The following PRELID3A variants were observed in gnomAD, a reference collection of about 807,000 sequenced individuals.
PRELID3A encodes the protein PRELI domain containing protein 3A.
In PRELID3A, 27 loss-of-function variants were observed where a neutral mutation model predicts 23.0. The ratio of observed to expected loss-of-function variants is 1.17; its 90% CI spans 0.87 to 1.62. The LOEUF (loss-of-function observed/expected upper bound fraction) is 1.62, where lower values mean the gene tolerates loss of function less well. PRELID3A is among the 40% of genes most tolerant of loss of function. The pLI is 0.00. For missense variants in PRELID3A, 231 were observed against 231.4 expected (o/e 1.00, Z 0.01); for synonymous variants, 87 against 86.4 (o/e 1.01, Z -0.04).
chr18:12,413,126 A>G (rs2143327778), intron 1 of PRELID3A, among the ~76,000 whole-genome samples: 1 of 152,330 alleles, frequency 6.6e-6, no homozygotes, highest in Middle Eastern at 3.4e-3. Context: ...TGTTATGACA[A>G]AAGAAACGGT....
At chr18:12,421,724 C>G in intron 3 of PRELID3A, 95 bp downstream of exon 3, 5 of 758,416 alleles carry the variant, frequency 6.6e-6, no homozygotes, top group East Asian at 2.6e-5. Flanking sequence ...CACCTTTGGT[C>G]TAGGTGTTGC....
chr18:12,426,380 C>T (rs1006427178), intron 3 of PRELID3A, among the ~76,000 whole-genome samples: 20 of 150,412 alleles, frequency 1.3e-4, no homozygotes, highest in Admixed American at 1.1e-3. Context: ...CGGTGAAACT[C>T]CGTCTCTACT....
intron 1 of PRELID3A, among the ~76,000 whole-genome samples, chr18:12,416,302 G>T (rs185766397): frequency 0.015 from 2,342 of 152,074 alleles, 35 homozygotes; most frequent in Non-Finnish European, 0.019. Flanking sequence ...CTGGGTTTTT[G>T]TTGTTGTTGT....
At chr18:12,415,679 A>G in intron 1 of PRELID3A, among the ~76,000 whole-genome samples, 1 of 152,188 alleles carries the variant, frequency 6.6e-6, no homozygotes, top group Non-Finnish European at 1.5e-5. Flanking sequence ...CAGCCAGTCC[A>G]GGGTCCTCTG....
chr18:12,416,526 A>G (rs899491232), intron 1 of PRELID3A, among the ~76,000 whole-genome samples: 1 of 152,158 alleles, frequency 6.6e-6, no homozygotes, highest in Non-Finnish European at 1.5e-5. Context: ...TATATTGCCC[A>G]GGCTGGGCTT....
At chr18:12,419,451 A>T (rs550606141) in intron 1 of PRELID3A, among the ~76,000 whole-genome samples, 1 of 149,442 alleles carries the variant, frequency 6.7e-6, no homozygotes, top group South Asian at 2.1e-4. Context: ...CAACATGGGG[A>T]AATCCCATCT....
rs1021217315 is a variant in PRELID3A, at chr18:12,408,016, G to C, written c.32+9G>C. The stretch of plus-strand genomic sequence containing the variant: ...TCGGAGCACGTGTTTGGGTGAGGCC[G>C]GGCTGAGGGCCGCGGTGGGGCCGTC... On this transcript the variant is annotated intron_variant, in intron 1 of 6. Coordinates refer to ENST00000440960, the MANE Select transcript of PRELID3A (RefSeq NM_001142405.2). The C allele has an allele frequency of 6.3e-6, 8 of 1,269,586 alleles. No individual in the cohort carries two copies. The highest frequency in any genetic ancestry group is 7.9e-6 in the Non-Finnish European group (8 of 1,007,854). The allele number at this position is 1,269,586 out of a possible 1,614,324, so 78.6% of individuals were successfully genotyped here.
intron 5 of PRELID3A, 150 bp downstream of exon 5, chr18:12,427,473 G>A (rs1293087310): frequency 6.3e-6 from 4 of 637,480 alleles, no homozygotes; most frequent in Non-Finnish European, 8.1e-6. Flanking sequence ...AACGCAGGTG[G>A]ACCGCTTGAG....
Position 12,426,563 on chromosome 18 carries a change from A to AAAAAAAAAAAAAAAAAAAAAAAAG in PRELID3A, c.292-475_292-474insAAAAAAAAAAAAAAAAAAAAGAAA, listed in dbSNP as rs67993774. Among the ~76,000 whole-genome samples the AAAAAAAAAAAAAAAAAAAAAAAAG allele has an allele frequency of 4.9e-4, 43 of 87,698 alleles. 6 individuals are homozygous for AAAAAAAAAAAAAAAAAAAAAAAAG. Among genetic ancestry groups the AAAAAAAAAAAAAAAAAAAAAAAAG allele is most frequent in the Non-Finnish European group, 5.8e-4 (28 of 48,624 alleles). 57.5% of individuals were successfully genotyped at this position (87,698 alleles called of 152,430 possible). A position where few individuals can be genotyped will look rare whatever the true frequency, so the allele number is the denominator to read the frequency against. ...AGTGAGACTCCATCTCAAAAAAAAA[A>AAAAAAAAAAAAAAAAAAAAAAAAG]AAAGTATAAATATGTACATAAGGAG... is the stretch of plus-strand genomic sequence containing the variant. On this transcript the variant is annotated intron_variant, in intron 3 of 6. Transcript: ENST00000440960.
rs2030636612 is a variant in PRELID3A, at chr18:12,432,175, AGC to A, written c.*1061_*1062del. 6.6e-6 allele frequency: 1 copy of A among 152,222 alleles called. No individual in the cohort carries two copies. The highest frequency in any genetic ancestry group is 6.5e-5 in the Admixed American group (1 of 15,276). The allele number at this position is 152,222 out of a possible 1,614,324, so 9.4% of individuals were successfully genotyped here. A position where few individuals can be genotyped will look rare whatever the true frequency, so the allele number is the denominator to read the frequency against. On this transcript the variant is annotated 3_prime_UTR_variant, in exon 7 of 7. Transcript: ENST00000440960. ...TCCAGAAGTTTTCTGTGCTTATGAAAGCGTATGTGTGGCCTTTCTCTTCCCTT... is the reference window on the plus strand; with the variant it reads ...TCCAGAAGTTTTCTGTGCTTATGAAAGTATGTGTGGCCTTTCTCTTCCCTT...
chr18:12,426,143 G>T (rs553624134), intron 3 of PRELID3A, among the ~76,000 whole-genome samples: 41 of 152,026 alleles, frequency 2.7e-4, no homozygotes, highest in African/African-American at 8.7e-4. Flanking sequence ...GGAGGCTGAG[G>T]CAGGGGAATC....
At chr18:12,428,196 G>A (rs769412242) in intron 5 of PRELID3A, among the ~76,000 whole-genome samples, 22 of 152,178 alleles carry the variant, frequency 1.4e-4, no homozygotes, top group Non-Finnish European at 2.4e-4. Flanking sequence ...GCCATCCATG[G>A]TACTCCCTTT....
intron 1 of PRELID3A, among the ~76,000 whole-genome samples, chr18:12,411,972 G>T (rs1453934090): frequency 6.7e-6 from 1 of 150,184 alleles, no homozygotes; most frequent in Admixed American, 6.6e-5. Context: ...GTGCAGGGGC[G>T]CAGTCTCGGC....
At chr18:12,409,811 CA>C (rs1909852397) in intron 1 of PRELID3A, among the ~76,000 whole-genome samples, 1 of 152,090 alleles carries the variant, frequency 6.6e-6, no homozygotes, top group Non-Finnish European at 1.5e-5. Flanking sequence ...AAAATTGTTG[CA>C]GCTGCTAACT....
rs2030634727 is a variant in PRELID3A, at chr18:12,432,116, G to A, written c.*1000G>A. 1 of 152,224 alleles carries A rather than the reference G, an allele frequency of 6.6e-6. No homozygotes were observed. The highest frequency in any genetic ancestry group is 2.4e-5 in the African/African-American group (1 of 41,462). 9.4% of individuals were successfully genotyped at this position (152,224 alleles called of 1,614,324 possible). ...GTCCGTTGAAGGGTAAAGGCCTCCC[G>A]CAAGCTGCCAGTCGGCTCTTTTTCG... On this transcript the variant is annotated 3_prime_UTR_variant, in exon 7 of 7. Coordinates refer to ENST00000440960, the MANE Select transcript of PRELID3A (RefSeq NM_001142405.2).
chr18:12,426,357 A>G (rs913069068), intron 3 of PRELID3A, among the ~76,000 whole-genome samples: 18 of 150,978 alleles, frequency 1.2e-4, no homozygotes, highest in Admixed American at 5.9e-4. Flanking sequence ...GATCGAGACC[A>G]TCCTGGCTAA....
chr18:12,430,642 T>C (rs1195461202), intron 6 of PRELID3A, among the ~76,000 whole-genome samples: 1 of 147,296 alleles, frequency 6.8e-6, no homozygotes, highest in East Asian at 2.0e-4. Context: ...TATATGTGTG[T>C]GGTATGTGTC....
At position 12,415,796 on chromosome 18, in the gene PRELID3A, C is replaced by G. The variant is rs1019428645; in HGVS notation, c.33-4529C>G. Among the ~76,000 whole-genome samples, 12 of 152,288 alleles carry G rather than the reference C, an allele frequency of 7.9e-5. No individual in the cohort carries two copies. The East Asian group carries it at 2.1e-3, about 27-fold the overall frequency. On this transcript the variant is annotated intron_variant, in intron 1 of 6. Coordinates refer to ENST00000440960, the MANE Select transcript of PRELID3A (RefSeq NM_001142405.2). ...CGACACTGTTGGTGCTTAGAGAGTCCTTTGTTATTCCTTTTCATTCCCCAG... is the reference window on the plus strand; with the variant it reads ...CGACACTGTTGGTGCTTAGAGAGTCGTTTGTTATTCCTTTTCATTCCCCAG...
Position 12,420,475 on chromosome 18 carries a change from G to GCC in PRELID3A, c.185_186dup (p.Ser63ProfsTer4). ...GCCTGCTCAGCACCGAGTGGGGGCT[G>GCC]CCCAGCCTCGTGAGAGCGGTGAGCG... is the stretch of plus-strand genomic sequence containing the variant. On this transcript the variant is annotated frameshift_variant, in exon 2 of 7. Transcript: ENST00000440960. LOFTEE classifies it high-confidence loss of function. The GCC allele has an allele frequency of 6.5e-7, 1 of 1,548,660 alleles. No homozygotes were observed.
Sources: gnomAD v4.1 joint callset for allele counts (sites outside exome capture counted in the v4.1 genomes callset) on GRCh38, gnomAD v4.1.1 for gene constraint, MANE v1.5 for transcripts, NCBI Gene and HGNC (gene_info 2026-07-23, HGNC 2026-07-21) for gene names.